The following ADCY9 variants were observed in gnomAD, a reference collection of about 807,000 sequenced individuals.
ADCY9 encodes the protein adenylate cyclase type 9.
ADCY9 carries 50 observed loss-of-function variants against 101.5 expected under a neutral mutation model. The observed-to-expected ratio is 0.49, with a 90% CI of 0.39 to 0.62. The LOEUF (loss-of-function observed/expected upper bound fraction) is 0.62, where lower values mean the gene tolerates loss of function less well. Among genes scored for constraint, ADCY9 ranks in the 20% least tolerant of loss-of-function variants. The pLI is 0.00. For synonymous variants in ADCY9, 905 were observed against 769.3 expected (o/e 1.18, Z -2.92); for missense variants, 1,662 against 1,800.4 (o/e 0.92, Z 1.39).
At position 3,992,388 on chromosome 16, in the gene ADCY9, G is replaced by A. The variant is rs568056868; in HGVS notation, c.1990-25C>T. On this transcript the variant is annotated intron_variant, in intron 4 of 10. Transcript: ENST00000294016. This position sits in a 1 kb window ranked among gnomAD's most constrained non-coding sequence, Gnocchi z 4.2. ...CCTGCCTCGAGACAAAGAGGACGCA[G>A]ACACGGGAAGTGAAGTGGCACCGGG... 32 of 1,607,226 alleles carry A rather than the reference G, an allele frequency of 2.0e-5. No homozygotes were observed. The Admixed American group carries it at 3.2e-4, about 16-fold the overall frequency.
At chr16:3,957,210 A>G (rs748953946) in intron 5 of ADCY9, among the ~76,000 whole-genome samples, 11 of 152,180 alleles carry the variant, frequency 7.2e-5, no homozygotes, top group Admixed American at 3.3e-4. Context: ...ACTGTGGCCA[A>G]TGATGCCCAG....
chr16:4,105,232 A>T lies in ADCY9; in HGVS notation c.1693+8518T>A, dbSNP rs568661279. 4.9e-4 allele frequency among the ~76,000 whole-genome samples: 75 copies of T among 152,318 alleles called. 1 individual carries two copies. In the Middle Eastern group the frequency reaches 0.017, roughly 35 times the overall value. Reference sequence around the variant, plus strand: ...ACATTAACATGCAATGGGTGAAATGAATTACTATTTTGAAATAAATTTAGA... The same window carrying T: ...ACATTAACATGCAATGGGTGAAATGTATTACTATTTTGAAATAAATTTAGA... On this transcript the variant is annotated intron_variant, in intron 2 of 10. Transcript: ENST00000294016.
chr16:4,097,557 T>TATATATATACA (rs1567147096), intron 2 of ADCY9, among the ~76,000 whole-genome samples: 6 of 79,698 alleles, frequency 7.5e-5, no homozygotes, highest in African/African-American at 4.6e-4. Context: ...ATATATATTT[T>TATATATATACA]TTTTTTTTTT....
intron 2 of ADCY9, among the ~76,000 whole-genome samples, chr16:4,068,106 T>TA (rs1409983078): frequency 2.0e-5 from 3 of 152,012 alleles, no homozygotes; most frequent in Non-Finnish European, 2.9e-5. Flanking sequence ...GTTTAGGAAA[T>TA]AAAAAATGCA....
intron 2 of ADCY9, among the ~76,000 whole-genome samples, chr16:4,073,370 A>G (rs922077459): frequency 6.6e-6 from 1 of 150,954 alleles, no homozygotes; most frequent in Non-Finnish European, 1.5e-5. Context: ...TACAAGCATG[A>G]GTCACCGCAC....
chr16:4,008,824 C>T (rs919614106), intron 2 of ADCY9, among the ~76,000 whole-genome samples: 2 of 152,148 alleles, frequency 1.3e-5, no homozygotes, highest in Non-Finnish European at 2.9e-5. Flanking sequence ...CCAAAGATGA[C>T]AGGTGTGAGC....
chr16:4,018,970 T>TGTGTGTGTGTGTGTGTGTGTGTGTGTGTG (rs1555509543), intron 2 of ADCY9, among the ~76,000 whole-genome samples: 4 of 149,366 alleles, frequency 2.7e-5, no homozygotes, highest in Non-Finnish European at 4.4e-5. Context: ...TGTGTGTGTG[T>TGTGTGTGTGTGTGTGTGTGTGTGTGTGTG]TTTGTTTTGT....
chr16:4,106,015 C>T (rs1370804016), intron 2 of ADCY9, among the ~76,000 whole-genome samples: 5 of 152,196 alleles, frequency 3.3e-5, no homozygotes, highest in Non-Finnish European at 7.3e-5. Flanking sequence ...ACAACTCATT[C>T]TGCCTCCACT....
chr16:3,990,152 A>G (rs1181630066), intron 5 of ADCY9, among the ~76,000 whole-genome samples: 2 of 152,146 alleles, frequency 1.3e-5, no homozygotes, highest in Non-Finnish European at 2.9e-5. Context: ...TCTCTCCCTC[A>G]TACAGTGACT....
intron 6 of ADCY9, 159 bp from the exon 7 acceptor site, chr16:3,983,599 T>C: frequency 1.6e-6 from 1 of 642,898 alleles, no homozygotes; most frequent in Non-Finnish European, 2.7e-6. Flanking sequence ...TACTACCCCA[T>C]TTAACACTGG....
At chr16:4,014,200 T>A (rs2056422294) in intron 2 of ADCY9, among the ~76,000 whole-genome samples, 1 of 151,562 alleles carries the variant, frequency 6.6e-6, no homozygotes, top group African/African-American at 2.4e-5. Context: ...ATGCCTGTAA[T>A]CCCAGCTACT....
At position 3,963,247 on chromosome 16, in the gene ADCY9, A is replaced by C; in HGVS notation, c.*2528T>G. 5.0e-6 allele frequency: 2 copies of C among 397,128 alleles called. No individual in the cohort carries two copies. The allele number at this position is 397,128 out of a possible 1,614,324, so 24.6% of individuals were successfully genotyped here. ...ATGCTGAAGTATTGCTTCCTGCCCT[A>C]AGTTCCTAAGAGGTATTGCCACCCT... On this transcript the variant is annotated 3_prime_UTR_variant, in exon 11 of 11. Coordinates refer to ENST00000294016, the MANE Select transcript of ADCY9 (RefSeq NM_001116.4).
chr16:4,059,405 GAAA>G (rs2056760823), intron 2 of ADCY9, among the ~76,000 whole-genome samples: 3 of 139,662 alleles, frequency 2.1e-5, no homozygotes, highest in African/African-American at 7.9e-5. Context: ...GAAAAAAAAA[GAAA>G]GAAAGAAAGT....
intron 2 of ADCY9, among the ~76,000 whole-genome samples, chr16:4,008,212 A>C (rs2056380374): frequency 6.6e-6 from 1 of 152,062 alleles, no homozygotes; most frequent in African/African-American, 2.4e-5. Flanking sequence ...TAGAAAAAAA[A>C]AAAAAAGGTG....
chr16:3,993,291 C>T (rs2239309), intron 4 of ADCY9, 115 bp downstream of exon 4: 4 of 1,511,936 alleles, frequency 2.6e-6, no homozygotes, highest in Non-Finnish European at 2.7e-6. Context: ...GTGCGGAGTG[C>T]TGTTACCCAA....
chr16:3,969,526 A>T (rs11640042), intron 10 of ADCY9, among the ~76,000 whole-genome samples: 1 of 134,034 alleles, frequency 7.5e-6, no homozygotes, highest in African/African-American at 2.7e-5. Context: ...GGTGTGAGCC[A>T]CCACACCTGG....
intron 8 of ADCY9, among the ~76,000 whole-genome samples, chr16:3,978,325 C>T (rs1418722346): frequency 2.0e-5 from 3 of 150,194 alleles, no homozygotes; most frequent in Non-Finnish European, 1.5e-5. Flanking sequence ...TGTCAAACAC[C>T]ATCAGCCCGC....
chr16:4,065,868 TCA>T (rs1386095089), intron 2 of ADCY9, among the ~76,000 whole-genome samples: 1 of 148,732 alleles, frequency 6.7e-6, no homozygotes, highest in African/African-American at 2.5e-5. Flanking sequence ...CACACCCGGC[TCA>T]GTTTTGTATT....
intron 6 of ADCY9, among the ~76,000 whole-genome samples, chr16:3,988,389 C>T (rs1433499091): frequency 6.9e-6 from 1 of 144,658 alleles, no homozygotes; most frequent in Admixed American, 7.2e-5. Flanking sequence ...GACTCCAGGA[C>T]AGGTGGGACG....
Sources: allele counts gnomAD v4.1 joint callset (sites outside exome capture counted in the v4.1 genomes callset), GRCh38; gene constraint gnomAD v4.1.1; non-coding constraint Gnocchi (gnomAD v3.1); transcripts MANE v1.5; gene names NCBI Gene and HGNC (gene_info 2026-07-23, HGNC 2026-07-21).